The following MYO1F variants were observed in gnomAD, a reference collection of about 807,000 sequenced individuals.
The protein encoded by MYO1F is unconventional myosin-If.
A neutral mutation model predicts 146.6 loss-of-function variants in MYO1F; 60 were observed. The observed-to-expected ratio is 0.41, with a 90% CI of 0.33 to 0.51. The LOEUF is 0.51. Among genes scored for constraint, MYO1F ranks in the 20% least tolerant of loss-of-function variants. The probability of loss-of-function intolerance (pLI) is 0.25; values close to 1 mark genes in which losing one functional copy is unlikely to be tolerated. For synonymous variants in MYO1F, 602 were observed against 602.1 expected, an observed-to-expected ratio of 1.00 and a Z score of 0.00; for missense variants, 1,274 against 1,534.3, an observed-to-expected ratio of 0.83 and a Z score of 2.83.
chr19:8,553,595 G>A (rs553473811), intron 4 of MYO1F, among the ~76,000 whole-genome samples, 158 bp from the exon 5 acceptor site: 3 of 152,166 alleles, frequency 2.0e-5, no homozygotes, highest in Admixed American at 6.6e-5. Context: ...GCTCTCAGCC[G>A]GGCATGGTGG....
intron 1 of MYO1F, among the ~76,000 whole-genome samples, chr19:8,573,062 A>C (rs1210236986): frequency 6.6e-5 from 10 of 152,306 alleles, no homozygotes; most frequent in Admixed American, 2.6e-4. Flanking sequence ...TAATCCCAGC[A>C]CTTTGGGAGG....
At chr19:8,546,517 G>A (rs1973364172) in intron 12 of MYO1F, among the ~76,000 whole-genome samples, 1 of 151,856 alleles carries the variant, frequency 6.6e-6, no homozygotes, top group Non-Finnish European at 1.5e-5. Flanking sequence ...ACACCACCAT[G>A]CCTGGCTAAT....
At position 8,550,305 on chromosome 19, in the gene MYO1F, T is replaced by C; in HGVS notation, c.956A>G (p.Glu319Gly). The change falls in exon 10 of 28, where the codon GAG becomes GGG. Residue 319 changes from glutamate (E) to glycine (G), a missense_variant. By Grantham distance (98) the Glu-to-Gly change is moderately conservative (BLOSUM62 -2). This residue lies in a region of MYO1F where 900 missense variants were observed against 1,155.1 expected (regional missense o/e 0.78). Coordinates refer to ENST00000644032, the MANE Select transcript of MYO1F (RefSeq NM_012335.4). ...GTCCATCTTGCGGCTGGTCAGCTTC[T>C]CCTGCAGTCGCCCGCTGTCAATGCC... ...LLGIDSGRLQ[E>G]KLTSRKMDSR... 6.2e-7 allele frequency: 1 copy of C among 1,613,956 alleles called. No individual in the cohort carries two copies. The highest frequency in any genetic ancestry group is 8.5e-7 in the Non-Finnish European group (1 of 1,179,964).
chr19:8,561,572 C>T (rs1423379945), intron 1 of MYO1F, among the ~76,000 whole-genome samples: 1 of 131,498 alleles, frequency 7.6e-6, no homozygotes, highest in Non-Finnish European at 1.6e-5. Context: ...CCTCTCCCTC[C>T]TTCCTTCCTT....
At chr19:8,570,370 A>G (rs1446939745) in intron 1 of MYO1F, among the ~76,000 whole-genome samples, 1 of 149,124 alleles carries the variant, frequency 6.7e-6, no homozygotes, top group Non-Finnish European at 1.5e-5. Flanking sequence ...GCACCCAGCC[A>G]CATTTTTTTT....
chr19:8,551,279 T>C, intron 8 of MYO1F: 1 of 241,000 alleles, frequency 4.1e-6, no homozygotes, highest in South Asian at 4.6e-5. Flanking sequence ...CTTGAACTCC[T>C]GACCTCAGGT....
chr19:8,528,182 A>G lies in MYO1F; in HGVS notation c.2329-699T>C, dbSNP rs562037051. On this transcript the variant is annotated intron_variant, in intron 21 of 27. Coordinates refer to ENST00000644032, the MANE Select transcript of MYO1F (RefSeq NM_012335.4). ...GGTTGCAGTGAGCCGAGATCCTGCC[A>G]CTGCACTCCAGCCTGGGTGACAGAG... Among the ~76,000 whole-genome samples the G allele has an allele frequency of 2.4e-3, 361 of 152,048 alleles. 2 individuals carry two copies. Among genetic ancestry groups the G allele is most frequent in the African/African-American group, 8.4e-3 (348 of 41,468 alleles).
intron 16 of MYO1F, among the ~76,000 whole-genome samples, chr19:8,539,089 G>A (rs1020852647): frequency 1.4e-4 from 22 of 151,732 alleles, no homozygotes; most frequent in Admixed American, 9.9e-4. Flanking sequence ...AGACCAGCCT[G>A]GCCCACATGG....
Position 8,545,639 on chromosome 19 carries a change from C to A in MYO1F, c.1356+11G>T. On this transcript the variant is annotated intron_variant, in intron 13 of 27. Coordinates refer to ENST00000644032, the MANE Select transcript of MYO1F (RefSeq NM_012335.4). ...GTGAGACGCCCCCGCCAAAGTTGACCCAGCCCTCACCAGCTTGTTTTCGAT... is the reference window on the plus strand; with the variant it reads ...GTGAGACGCCCCCGCCAAAGTTGACACAGCCCTCACCAGCTTGTTTTCGAT... The A allele has an allele frequency of 1.2e-6, 2 of 1,612,732 alleles. No homozygotes were observed. Among genetic ancestry groups the A allele is most frequent in the Non-Finnish European group, 1.7e-6 (2 of 1,178,774 alleles).
intron 14 of MYO1F, among the ~76,000 whole-genome samples, chr19:8,543,867 CTGGTGGTGCTGGTGGTGG>C (rs1973162950): frequency 1.1e-4 from 1 of 9,026 alleles, no homozygotes. Flanking sequence ...GCTGGTGGTG[CTGGTGGTGCTGGTGGTGG>C]TGGTGGTGGT....
chr19:8,548,110 C>A lies in MYO1F; in HGVS notation c.1195G>T (p.Glu399Ter), dbSNP rs774840348. ...TTGACGAAGTTGATGCAAAACTGCT[C>A]GAAGCCATTTTTCTGCAGAAGGAGG... ...GFEIFQKNGF[E>*]QFCINFVNEK... The change falls in exon 12 of 28, where the codon GAG becomes TAG. Residue 399 changes from glutamate (E) to a stop codon, truncating the protein, a stop_gained. Transcript: ENST00000644032. LOFTEE classifies it high-confidence loss of function. 1.9e-6 allele frequency: 3 copies of A among 1,613,562 alleles called. No individual in the cohort carries two copies. The highest frequency in any genetic ancestry group is 2.5e-6 in the Non-Finnish European group (3 of 1,179,884).
intron 1 of MYO1F, among the ~76,000 whole-genome samples, chr19:8,569,674 G>A (rs2042073348): frequency 6.6e-6 from 1 of 152,132 alleles, no homozygotes; most frequent in African/African-American, 2.4e-5. Flanking sequence ...CTGTGGAGAG[G>A]TGAGAGGGCT....
Position 8,554,465 on chromosome 19 carries a change from C to A in MYO1F, c.326+12G>T, listed in dbSNP as rs548544617. ...GGCAGCAGGGTCTGTGGCCCCCCAA[C>A]TCTGTCCATACCTAATGATGACACA... On this transcript the variant is annotated intron_variant, in intron 4 of 27. Transcript: ENST00000644032. 6.3e-7 allele frequency: 1 copy of A among 1,598,606 alleles called. No homozygotes were observed. The highest frequency in any genetic ancestry group is 2.2e-5 in the East Asian group (1 of 44,814).
In MYO1F at chr19:8,530,038, C is replaced by T; in HGVS notation, c.2328+158G>A. ...TGGATCTAGGCTGGGGGATCTATGC[C>T]TGTGGGCAGGTGCATATGGGCCAGG... is the stretch of plus-strand genomic sequence containing the variant. On this transcript the variant is annotated intron_variant, in intron 21 of 27. Coordinates refer to ENST00000644032, the MANE Select transcript of MYO1F (RefSeq NM_012335.4). The surrounding 1 kb of genome is among the most constrained non-coding windows in gnomAD (Gnocchi z 5.8). The T allele has an allele frequency of 4.1e-6, 4 of 974,068 alleles. No individual in the cohort carries two copies. Among genetic ancestry groups the T allele is most frequent in the Non-Finnish European group, 6.4e-6 (4 of 621,558 alleles). 60.3% of individuals were successfully genotyped at this position (974,068 alleles called of 1,614,324 possible). A position where few individuals can be genotyped will look rare whatever the true frequency, so the allele number is the denominator to read the frequency against.
chr19:8,564,074 G>A (rs933165435), intron 1 of MYO1F, among the ~76,000 whole-genome samples: 1 of 152,086 alleles, frequency 6.6e-6, no homozygotes, highest in African/African-American at 2.4e-5. Flanking sequence ...GGCCTAATTA[G>A]GTGTTTTTAT....
At chr19:8,553,316 G>T in intron 5 of MYO1F, 34 bp downstream of exon 5, 1 of 1,612,218 alleles carries the variant, frequency 6.2e-7, no homozygotes, top group South Asian at 1.1e-5. Flanking sequence ...AGGTGAGGGC[G>T]ACCCAGCTTA....
At chr19:8,568,003 C>G (rs562341714) in intron 1 of MYO1F, among the ~76,000 whole-genome samples, 104 of 152,340 alleles carry the variant, frequency 6.8e-4, no homozygotes, top group African/African-American at 2.2e-3. Flanking sequence ...CGACTTGGTT[C>G]CTCTTCCTGC....
intron 1 of MYO1F, among the ~76,000 whole-genome samples, chr19:8,567,944 A>C (rs917216919): frequency 1.3e-5 from 2 of 152,250 alleles, no homozygotes; most frequent in Non-Finnish European, 2.9e-5. Flanking sequence ...CACTGGGGTC[A>C]GCTGTGTCTG....
In MYO1F at chr19:8,550,283, C is replaced by T; in HGVS notation, c.978G>A (p.Met326Ile). Reference sequence around the variant, plus strand: ...CGCTGCGCCCGCCCCAGCGGCTGTCCATCTTGCGGCTGGTCAGCTTCTCCT... The same window carrying T: ...CGCTGCGCCCGCCCCAGCGGCTGTCTATCTTGCGGCTGGTCAGCTTCTCCT... ...RLQEKLTSRK[M>I]DSRWGGRSES... Residue 326 changes from methionine to isoleucine, a missense_variant, in exon 10 of 28, where the codon ATG becomes ATA. Transcript: ENST00000644032. 1 of 1,614,150 alleles carries T rather than the reference C, an allele frequency of 6.2e-7. No individual in the cohort carries two copies. The highest frequency in any genetic ancestry group is 8.5e-7 in the Non-Finnish European group (1 of 1,180,042).
Sources: allele counts gnomAD v4.1 joint callset (sites outside exome capture counted in the v4.1 genomes callset), GRCh38; gene constraint gnomAD v4.1.1; regional missense constraint gnomAD v4.1.1; non-coding constraint Gnocchi (gnomAD v3.1); transcripts MANE v1.5; gene names NCBI Gene and HGNC (gene_info 2026-07-23, HGNC 2026-07-21).